Variants in TRPM8 observed in about 807,000 individuals in gnomAD.
TRPM8 encodes transient receptor potential cation channel subfamily M member 8, also known as TRPM8 cationic channel.
A neutral mutation model predicts 133.7 loss-of-function variants in TRPM8; 110 were observed. The observed-to-expected ratio is 0.82, with a 90% CI of 0.70 to 0.96. The LOEUF is 0.96. TRPM8 is among the 40% of genes least tolerant of loss of function. TRPM8 has a pLI of 0.00. For missense variants in TRPM8, 1,291 were observed against 1,379.5 expected (o/e 0.94, Z 1.02); for synonymous variants, 535 against 532.3 (o/e 1.01, Z -0.07).
rs184704633 is a variant in TRPM8 at position 233,960,408 on chromosome 2, C to T, written c.1363-368C>T. On this transcript the variant is annotated intron_variant, in intron 11 of 25. Coordinates refer to ENST00000324695, the MANE Select transcript of TRPM8 (RefSeq NM_024080.5). ...TTCCAGCTCTACTACTACCTCCACA[C>T]CCCCACCCCCGATTGAGTATTTCCT... Among the ~76,000 whole-genome samples the T allele has an allele frequency of 8.9e-4, 135 of 152,220 alleles. 1 individual carries two copies. The highest frequency in any genetic ancestry group is 1.5e-3 in the Non-Finnish European group (102 of 68,016).
At chr2:233,972,653 GC>G (rs963742632) in intron 17 of TRPM8, among the ~76,000 whole-genome samples, 11 of 152,234 alleles carry the variant, frequency 7.2e-5, no homozygotes, top group African/African-American at 2.7e-4. Context: ...ATTGAGTGCA[GC>G]GCCGGTGGGC....
Position 233,989,883 on chromosome 2 carries a change from G to C in TRPM8, c.2939+4018G>C, listed in dbSNP as rs1421399689. Among the ~76,000 whole-genome samples the C allele has an allele frequency of 6.6e-6, 1 of 152,172 alleles. No homozygotes were observed. The highest frequency in any genetic ancestry group is 1.9e-4 in the East Asian group (1 of 5,198). On this transcript the variant is annotated intron_variant, in intron 21 of 25. Coordinates refer to ENST00000324695, the MANE Select transcript of TRPM8 (RefSeq NM_024080.5). The surrounding 1 kb of genome is among the most constrained non-coding windows in gnomAD (Gnocchi z 4.2). ...TCCAGGTCGACTTACCAGGAGCTAG[G>C]GCATTTATAAGCATTGTGCCCTGAA... is the stretch of plus-strand genomic sequence containing the variant.
At chr2:233,990,412 G>T (rs1378968821) in intron 21 of TRPM8, among the ~76,000 whole-genome samples, 1 of 152,202 alleles carries the variant, frequency 6.6e-6, no homozygotes, top group East Asian at 1.9e-4. Context: ...AATACTGGGG[G>T]ATCTCCCTTT....
At position 233,942,716 on chromosome 2, in the gene TRPM8, C is replaced by A. The variant is rs762851956; in HGVS notation, c.667C>A (p.Arg223=). The A allele has an allele frequency of 3.1e-6, 5 of 1,614,118 alleles. No individual in the cohort carries two copies. The highest frequency in any genetic ancestry group is 2.2e-5 in the East Asian group (1 of 44,876). Residue 223 remains arginine (R), a synonymous_variant, in exon 6 of 26, where the codon CGG becomes AGG. Coordinates refer to ENST00000324695, the MANE Select transcript of TRPM8 (RefSeq NM_024080.5). The part of the protein sequence containing the change: ...GIAAWGMVSN[R]DTLIRNCDAE... ...AGCAGCTTGGGGCATGGTCTCCAAC[C>A]GGGACACCCTCATCAGGAATTGCGA...
chr2:233,958,423 G>A (rs945959610), intron 11 of TRPM8, among the ~76,000 whole-genome samples: 6 of 152,034 alleles, frequency 3.9e-5, no homozygotes, highest in African/African-American at 1.4e-4. Context: ...GACTGGTGGC[G>A]GCCTGGGAAT....
intron 21 of TRPM8, among the ~76,000 whole-genome samples, chr2:233,992,681 C>A (rs1692308965): frequency 6.6e-6 from 1 of 152,142 alleles, no homozygotes; most frequent in African/African-American, 2.4e-5. Context: ...GCCAAGGGCA[C>A]AAGATATCGC....
At chr2:234,000,681 C>G (rs575723793) in intron 22 of TRPM8, among the ~76,000 whole-genome samples, 1 of 145,568 alleles carries the variant, frequency 6.9e-6, no homozygotes, top group South Asian at 2.2e-4. Context: ...AAGAAACAAC[C>G]TTTTTTTTTT....
At chr2:233,982,920 C>A in intron 19 of TRPM8, 133 bp from the exon 20 acceptor site, 2 of 926,378 alleles carry the variant, frequency 2.2e-6, no homozygotes, top group Non-Finnish European at 3.3e-6. Context: ...AGTCAGTGAA[C>A]TCTGGGTGAC....
intron 19 of TRPM8, 98 bp downstream of exon 19, chr2:233,982,013 C>T (rs1194162304): frequency 2.4e-6 from 3 of 1,274,914 alleles, no homozygotes; most frequent in Non-Finnish European, 3.2e-6. Flanking sequence ...ACGACTGTTG[C>T]ATTTCACCAT....
Position 233,939,054 on chromosome 2 carries a change from G to A in TRPM8, c.405G>A (p.Gln135=), listed in dbSNP as rs1018335218. 3 of 1,614,104 alleles carry A rather than the reference G, an allele frequency of 1.9e-6. No homozygotes were observed. The highest frequency in any genetic ancestry group is 1.3e-5 in the African/African-American group (1 of 74,950). Reference sequence around the variant, plus strand: ...AAATCCTTTACGAGCTGCTGACCCAGCACTGGCACCTGAAAACACCCAACC... The same window carrying A: ...AAATCCTTTACGAGCTGCTGACCCAACACTGGCACCTGAAAACACCCAACC... ...DAEILYELLT[Q]HWHLKTPNLV... is the part of the protein sequence containing the mutation. The change falls in exon 5 of 26, where the codon CAG becomes CAA. Residue 135 remains glutamine, a synonymous_variant. Coordinates refer to ENST00000324695, the MANE Select transcript of TRPM8 (RefSeq NM_024080.5).
At chr2:233,924,704 G>A (rs943345535) in intron 1 of TRPM8, among the ~76,000 whole-genome samples, 3 of 152,174 alleles carry the variant, frequency 2.0e-5, no homozygotes, top group Non-Finnish European at 2.9e-5. Context: ...TGATAGAAAT[G>A]TGATTTGAAG....
chr2:234,008,563 C>G (rs1354570749), intron 24 of TRPM8, among the ~76,000 whole-genome samples: 1 of 152,236 alleles, frequency 6.6e-6, no homozygotes, highest in Non-Finnish European at 1.5e-5. Flanking sequence ...TGCCCTCACT[C>G]TGAGCTGGGT....
intron 11 of TRPM8, 148 bp from the exon 12 acceptor site, chr2:233,960,628 C>G: frequency 1.5e-6 from 1 of 659,490 alleles, no homozygotes; most frequent in Non-Finnish European, 2.6e-6. Context: ...AGATAAACTT[C>G]ATTCTCAAGA....
In TRPM8 at chr2:233,942,727, C is replaced by G. The variant is rs28901630; in HGVS notation, c.678C>G (p.Leu226=). The change falls in exon 6 of 26, where the codon CTC becomes CTG. Residue 226 remains leucine, a synonymous_variant. Coordinates refer to ENST00000324695, the MANE Select transcript of TRPM8 (RefSeq NM_024080.5). ...AWGMVSNRDT[L]IRNCDAEGYF... ...GCATGGTCTCCAACCGGGACACCCT[C>G]ATCAGGAATTGCGATGCTGAGGTAC... 1.2e-3 allele frequency: 1,883 copies of G among 1,614,156 alleles called. 21 individuals are homozygous for G. In the African/African-American group the frequency reaches 0.018, roughly 15 times the overall value.
At chr2:234,014,383 T>C (rs1692909453) in intron 24 of TRPM8, among the ~76,000 whole-genome samples, 179 bp from the exon 25 acceptor site, 1 of 152,186 alleles carries the variant, frequency 6.6e-6, no homozygotes, top group Non-Finnish European at 1.5e-5. Context: ...TTTCAGAAAG[T>C]AAGCAATGAT....
In TRPM8 at chr2:233,942,634, G is replaced by A. The variant is rs1051407414; in HGVS notation, c.585G>A (p.Val195=). The A allele has an allele frequency of 6.2e-7, 1 of 1,614,230 alleles. No homozygotes were observed. Among genetic ancestry groups the A allele is most frequent in the Non-Finnish European group, 8.5e-7 (1 of 1,180,036 alleles). ...HYGLMKYIGE[V]VRDNTISRSS... ...GCCTGATGAAGTACATCGGGGAGGT[G>A]GTGAGAGATAACACCATCAGCAGGA... is the stretch of plus-strand genomic sequence containing the variant. Residue 195 remains valine, a synonymous_variant, in exon 6 of 26, where the codon GTG becomes GTA. Transcript: ENST00000324695.
At chr2:233,926,412 A>G in intron 1 of TRPM8, 121 bp from the exon 2 acceptor site, 1 of 748,680 alleles carries the variant, frequency 1.3e-6, no homozygotes, top group Non-Finnish European at 2.4e-6. Context: ...CGAATGGAGC[A>G]TGGGACATTG....
chr2:233,990,197 C>A (rs1207804696), intron 21 of TRPM8, among the ~76,000 whole-genome samples: 1 of 152,242 alleles, frequency 6.6e-6, no homozygotes, highest in African/African-American at 2.4e-5. Flanking sequence ...GGTTCAAGTG[C>A]TTTACAGGGG....
rs201957891 is a variant in TRPM8 at position 233,980,232 on chromosome 2, G to A, written c.2400G>A (p.Val800=). The part of the protein sequence containing the change: ...GVNYFTDLWN[V]MDTLGLFYFI... ...ATTATTTTACTGACCTGTGGAATGT[G>A]ATGGACACGCTGGGGCTTTTTTACT... is the stretch of plus-strand genomic sequence containing the variant. Residue 800 remains valine, a synonymous_variant, in exon 18 of 26, where the codon GTG becomes GTA. Transcript: ENST00000324695. 5.6e-5 allele frequency: 90 copies of A among 1,604,918 alleles called. No homozygotes were observed. In the South Asian group the frequency reaches 7.8e-4, roughly 14 times the overall value.
Sources: gnomAD v4.1 joint callset for allele counts (sites outside exome capture counted in the v4.1 genomes callset) on GRCh38, gnomAD v4.1.1 for gene constraint, Gnocchi (gnomAD v3.1) non-coding constraint, MANE v1.5 for transcripts, NCBI Gene and HGNC (gene_info 2026-07-23, HGNC 2026-07-21) for gene names.